HAS2: variants seen among roughly 807,000 people sequenced by gnomAD.
The protein encoded by HAS2 is hyaluronan synthase 2, also known as HA synthase 2.
HAS2 carries 16 observed loss-of-function variants against 51.6 expected under a neutral mutation model. That is an observed-to-expected ratio of 0.31 (90% CI 0.21 to 0.47). HAS2 has a LOEUF of 0.47. HAS2 is among the 20% of genes least tolerant of loss of function. The pLI is 1.00. For synonymous variants in HAS2, 228 were observed against 235.5 expected, an observed-to-expected ratio of 0.97 and a Z score of 0.29; for missense variants, 361 against 662.6, an observed-to-expected ratio of 0.54 and a Z score of 5.00.
intron 2 of HAS2, among the ~76,000 whole-genome samples, chr8:121,626,681 T>A (rs1453908154): frequency 6.6e-6 from 1 of 152,184 alleles, no homozygotes; most frequent in Non-Finnish European, 1.5e-5. Flanking sequence ...TGGGAGTGGT[T>A]AGTATTGTGA....
At chr8:121,634,777 CATA>C (rs1415565346) in intron 1 of HAS2, among the ~76,000 whole-genome samples, 1 of 150,862 alleles carries the variant, frequency 6.6e-6, no homozygotes, top group Non-Finnish European at 1.5e-5. Flanking sequence ...AAACCATCCC[CATA>C]ATTTTTCACC....
intron 1 of HAS2, among the ~76,000 whole-genome samples, chr8:121,634,762 T>G (rs1812987113): frequency 6.6e-6 from 1 of 151,862 alleles, no homozygotes; most frequent in South Asian, 2.1e-4. Context: ...TTTTTTTTTT[T>G]TAAGAAACCA....
Position 121,629,277 on chromosome 8 carries a change from G to A in HAS2, c.64C>T (p.Leu22Phe). ...IIGTTLFGVS[L>F]LLGITAAYIV... ...TAAGCAGCTGTGATTCCAAGGAGGA[G>A]AGAGACTCCAAAGAGTGTGGTTCCA... is the stretch of plus-strand genomic sequence containing the variant. The change falls in exon 2 of 4, where the codon CTC (leucine) becomes TTC (phenylalanine). Residue 22 changes from leucine to phenylalanine, a missense_variant. Leu to Phe is a conservative substitution (Grantham distance 22). This residue lies in a region of HAS2 where 145 missense variants were observed against 217.6 expected (regional missense o/e 0.67). Coordinates refer to ENST00000303924, the MANE Select transcript of HAS2 (RefSeq NM_005328.3). 2 of 1,611,902 alleles carry A rather than the reference G, an allele frequency of 1.2e-6. No individual in the cohort carries two copies. The highest frequency in any genetic ancestry group is 1.7e-6 in the Non-Finnish European group (2 of 1,177,960).
intron 2 of HAS2, among the ~76,000 whole-genome samples, chr8:121,625,097 CAAAAAAAAA>C (rs537345385): frequency 1.7e-5 from 1 of 57,954 alleles, no homozygotes; most frequent in African/African-American, 6.3e-5. Flanking sequence ...GACTCCGTCT[CAAAAAAAAA>C]AAAAAAAAAA....
At chr8:121,640,734 T>C (rs1193611615) in intron 1 of HAS2, 119 bp downstream of exon 1, 1 of 152,162 alleles carries the variant, frequency 6.6e-6, no homozygotes, top group African/African-American at 2.4e-5. Context: ...ATTTTTAAAC[T>C]TCCAACTTTT....
Position 121,641,251 on chromosome 8 carries a change from A to G in HAS2, c.-399T>C, listed in dbSNP as rs1563626173. The G allele has an allele frequency of 7.8e-6, 1 of 127,632 alleles. No homozygotes were observed. The highest frequency in any genetic ancestry group is 2.6e-4 in the South Asian group (1 of 3,842). 7.9% of individuals were successfully genotyped at this position (127,632 alleles called of 1,614,324 possible). A position where few individuals can be genotyped will look rare whatever the true frequency, so the allele number is the denominator to read the frequency against. On this transcript the variant is annotated 5_prime_UTR_variant, in exon 1 of 4. Transcript: ENST00000303924. The stretch of plus-strand genomic sequence containing the variant: ...TCTTAAAAAAAAAAAAAAAAAAAAA[A>G]AAAGCCTGTGGAAGACTCAGCAGAA...
rs772684593 is a variant in HAS2, at chr8:121,613,988, G to C, written c.*121C>G. ...AAAATAAACCCATATAAATGTCTTT[G>C]TTCAAGTCCCAGCAGCAGTGATATG... On this transcript the variant is annotated 3_prime_UTR_variant, in exon 4 of 4. Coordinates refer to ENST00000303924, the MANE Select transcript of HAS2 (RefSeq NM_005328.3). The C allele has an allele frequency of 6.7e-7, 1 of 1,492,728 alleles. No homozygotes were observed. Among genetic ancestry groups the C allele is most frequent in the East Asian group, 2.3e-5 (1 of 43,024 alleles). 92.5% of individuals were successfully genotyped at this position (1,492,728 alleles called of 1,614,324 possible).
intron 1 of HAS2, among the ~76,000 whole-genome samples, chr8:121,633,881 A>G (rs1586509854): frequency 6.6e-6 from 1 of 151,450 alleles, no homozygotes; most frequent in Non-Finnish European, 1.5e-5. Context: ...ATTGAGTTCA[A>G]TGGAGTTACC....
chr8:121,624,305 T>C (rs1014723625), intron 2 of HAS2, among the ~76,000 whole-genome samples: 1 of 152,148 alleles, frequency 6.6e-6, no homozygotes, highest in Non-Finnish European at 1.5e-5. Flanking sequence ...AAAGAGACCA[T>C]GAAGAGGATA....
intron 3 of HAS2, 25 bp from the exon 4 acceptor site, chr8:121,615,063 T>TA (rs1382681749): frequency 1.3e-6 from 2 of 1,541,606 alleles, no homozygotes; most frequent in Non-Finnish European, 1.8e-6. Flanking sequence ...ACATAAGTAA[T>TA]AGGTAAGCTT....
chr8:121,615,576 G>C (rs534168162), intron 3 of HAS2, among the ~76,000 whole-genome samples: 46 of 152,054 alleles, frequency 3.0e-4, no homozygotes, highest in African/African-American at 1.1e-3. Context: ...GACTTCCTCG[G>C]CCTCCCAAAG....
chr8:121,629,362 C>A, intron 1 of HAS2, 22 bp from the exon 2 acceptor site: 1 of 1,578,296 alleles, frequency 6.3e-7, no homozygotes, highest in South Asian at 1.2e-5. Flanking sequence ...TCAGATGATA[C>A]TCTTGGTTAA....
At chr8:121,619,363 G>A (rs1190322545) in intron 2 of HAS2, among the ~76,000 whole-genome samples, 1 of 152,060 alleles carries the variant, frequency 6.6e-6, no homozygotes, top group Non-Finnish European at 1.5e-5. Flanking sequence ...AGTATATGGG[G>A]CATCAGAAGG....
intron 2 of HAS2, among the ~76,000 whole-genome samples, chr8:121,624,601 T>C (rs6998348): frequency 6.6e-6 from 1 of 152,034 alleles, no homozygotes; most frequent in Non-Finnish European, 1.5e-5. Context: ...AATGCTGTGA[T>C]ATTAAATCAA....
intron 2 of HAS2, among the ~76,000 whole-genome samples, chr8:121,621,201 T>C (rs774312456): frequency 5.3e-5 from 8 of 152,242 alleles, no homozygotes; most frequent in Non-Finnish European, 1.0e-4. Context: ...AGATTAAATA[T>C]GTTTGAAGCC....
In HAS2 at chr8:121,614,007, T is replaced by C; in HGVS notation, c.*102A>G. Reference sequence around the variant, plus strand: ...GTCTTTGTTCAAGTCCCAGCAGCAGTGATATGTCTCCTTTGGTGGCATTAT... The same window carrying C: ...GTCTTTGTTCAAGTCCCAGCAGCAGCGATATGTCTCCTTTGGTGGCATTAT... On this transcript the variant is annotated 3_prime_UTR_variant, in exon 4 of 4. Transcript: ENST00000303924. This position sits in a 1 kb window ranked among gnomAD's most constrained non-coding sequence, Gnocchi z 7.2. 6.3e-7 allele frequency: 1 copy of C among 1,582,170 alleles called. No individual in the cohort carries two copies. Among genetic ancestry groups the C allele is most frequent in the Non-Finnish European group, 8.6e-7 (1 of 1,159,836 alleles).
At chr8:121,627,988 C>T (rs1259739575) in intron 2 of HAS2, among the ~76,000 whole-genome samples, 1 of 152,014 alleles carries the variant, frequency 6.6e-6, no homozygotes, top group Non-Finnish European at 1.5e-5. Flanking sequence ...CAATGAGAAC[C>T]AGGAGAGGAG....
At chr8:121,625,892 C>T (rs1015674953) in intron 2 of HAS2, among the ~76,000 whole-genome samples, 1 of 151,870 alleles carries the variant, frequency 6.6e-6, no homozygotes, top group Non-Finnish European at 1.5e-5. Context: ...TGAAAGTACC[C>T]ACCAGCATCA....
rs1020873744 is a variant in HAS2, at chr8:121,629,483, T to C, written c.1-143A>G. On this transcript the variant is annotated intron_variant, in intron 1 of 3. Transcript: ENST00000303924. ...TCTCGCCCAACTCATTGTGTGACTT[T>C]CTGCACTTCAGTTTGCTCATCTGCA... 3 of 680,930 alleles carry C rather than the reference T, an allele frequency of 4.4e-6. No individual in the cohort carries two copies. In the African/African-American group the frequency reaches 5.4e-5, roughly 12 times the overall value. 42.2% of individuals were successfully genotyped at this position (680,930 alleles called of 1,614,324 possible).
Sources: allele counts gnomAD v4.1 joint callset (sites outside exome capture counted in the v4.1 genomes callset), GRCh38; gene constraint gnomAD v4.1.1; regional missense constraint gnomAD v4.1.1; non-coding constraint Gnocchi (gnomAD v3.1); transcripts MANE v1.5; gene names NCBI Gene and HGNC (gene_info 2026-07-23, HGNC 2026-07-21).